The following PNPT1 variants were observed in gnomAD, a reference collection of about 807,000 sequenced individuals.
PNPT1 encodes the protein polyribonucleotide nucleotidyltransferase 1.
In PNPT1, 53 loss-of-function variants were observed where a neutral mutation model predicts 119.5. The ratio of observed to expected loss-of-function variants is 0.44; its 90% CI spans 0.36 to 0.56. The LOEUF (loss-of-function observed/expected upper bound fraction) is 0.56, where lower values mean the gene tolerates loss of function less well. Ranked by LOEUF, PNPT1 falls within the 20% of genes least tolerant of loss-of-function variation. The pLI is 0.00. For synonymous variants in PNPT1, 357 were observed against 322.1 expected, an observed-to-expected ratio of 1.11 and a Z score of -1.16; for missense variants, 948 against 938.5, an observed-to-expected ratio of 1.01 and a Z score of -0.13.
At chr2:55,651,369 G>A (rs1696193669) in intron 18 of PNPT1, among the ~76,000 whole-genome samples, 1 of 152,106 alleles carries the variant, frequency 6.6e-6, no homozygotes, top group Admixed American at 6.5e-5. Flanking sequence ...GAAATCGGAT[G>A]GTTGCCGTGT....
Position 55,693,685 on chromosome 2 carries a change from C to A in PNPT1, c.139G>T (p.Val47Leu), listed in dbSNP as rs1697694878. 3 of 1,614,146 alleles carry A rather than the reference C, an allele frequency of 1.9e-6. No individual in the cohort carries two copies. In the African/African-American group the frequency reaches 4.0e-5, roughly 22 times the overall value. Residue 47 changes from valine (V) to leucine (L), a missense_variant, in exon 1 of 28, where the codon GTG becomes TTG. Val to Leu is a conservative substitution (Grantham distance 32). Transcript: ENST00000447944. Reference protein sequence around the residue: ...ALWSSAGSRAVAVDLGNRKLE... With the variant: ...ALWSSAGSRALAVDLGNRKLE... ...TACCTGTTGCCTAAGTCCACGGCCA[C>A]AGCTCGAGACCCTGCGCTACTCCAT...
rs540689105 is a variant in PNPT1 at position 55,649,171 on chromosome 2, G to A, written c.1496-1718C>T. ...ATTCAAAATTGAGCCAGGCCCAGTG[G>A]CTCATGCTTGTAATCCCAACGCTTT... On this transcript the variant is annotated intron_variant, in intron 18 of 27. Coordinates refer to ENST00000447944, the MANE Select transcript of PNPT1 (RefSeq NM_033109.5). Among the ~76,000 whole-genome samples, 84 of 152,224 alleles carry A rather than the reference G, an allele frequency of 5.5e-4. No individual in the cohort carries two copies. The Middle Eastern group carries it at 0.01, about 18-fold the overall frequency.
chr2:55,679,956 A>G (rs149145023), intron 7 of PNPT1, among the ~76,000 whole-genome samples, 161 bp from the exon 8 acceptor site: 1 of 152,096 alleles, frequency 6.6e-6, no homozygotes, highest in African/African-American at 2.4e-5. Flanking sequence ...ACCCCACCCT[A>G]CCTTCTGTCC....
intron 2 of PNPT1, 77 bp from the exon 3 acceptor site, chr2:55,686,521 T>A: frequency 9.7e-7 from 1 of 1,031,830 alleles, no homozygotes; most frequent in Admixed American, 2.5e-5. Context: ...GAATAAATCC[T>A]TACTCCAATT....
chr2:55,637,062 AAAAAC>A (rs1695698197), intron 27 of PNPT1, among the ~76,000 whole-genome samples: 1 of 152,254 alleles, frequency 6.6e-6, no homozygotes, highest in African/African-American at 2.4e-5. Flanking sequence ...TGGAGCCCGA[AAAAAC>A]AGACTGGCAA....
chr2:55,665,508 G>C (rs571526256), intron 13 of PNPT1, among the ~76,000 whole-genome samples: 63 of 152,228 alleles, frequency 4.1e-4, no homozygotes, highest in Middle Eastern at 3.4e-3. Flanking sequence ...AAACACTTCA[G>C]AAATTACTAC....
chr2:55,677,208 T>G (rs1301605914), intron 8 of PNPT1, among the ~76,000 whole-genome samples: 1 of 152,064 alleles, frequency 6.6e-6, no homozygotes. Context: ...CGCTCTAGAG[T>G]CTCATTCTTC....
At chr2:55,684,030 C>T (rs1278015682) in intron 4 of PNPT1, among the ~76,000 whole-genome samples, 196 bp from the exon 5 acceptor site, 2 of 152,162 alleles carry the variant, frequency 1.3e-5, no homozygotes, top group East Asian at 1.9e-4. Flanking sequence ...AAAACAAACA[C>T]AGAAGAAGCA....
In PNPT1 at chr2:55,648,703, C is replaced by T. The variant is rs187032271; in HGVS notation, c.1496-1250G>A. Among the ~76,000 whole-genome samples the T allele has an allele frequency of 1.6e-3, 243 of 152,046 alleles. 2 individuals are homozygous for T. Among genetic ancestry groups the T allele is most frequent in the African/African-American group, 5.3e-3 (221 of 41,486 alleles). On this transcript the variant is annotated intron_variant, in intron 18 of 27. Transcript: ENST00000447944. ...ATTACTGATTTTCTTTCAATATGGACAGAGCTTTATTAAAATGTAAAGATA... is the reference window on the plus strand; with the variant it reads ...ATTACTGATTTTCTTTCAATATGGATAGAGCTTTATTAAAATGTAAAGATA...
chr2:55,666,163 T>C (rs963350309), intron 13 of PNPT1, among the ~76,000 whole-genome samples: 1 of 152,070 alleles, frequency 6.6e-6, no homozygotes, highest in African/African-American at 2.4e-5. Flanking sequence ...CAAAAGCAGA[T>C]CAGTAGTCTC....
At chr2:55,685,637 A>C (rs1044300536) in intron 3 of PNPT1, among the ~76,000 whole-genome samples, 3 of 152,122 alleles carry the variant, frequency 2.0e-5, no homozygotes, top group Non-Finnish European at 2.9e-5. Flanking sequence ...TTTTGGTATC[A>C]ACTCTGTTAA....
At chr2:55,685,095 C>A in intron 3 of PNPT1, 47 bp from the exon 4 acceptor site, 1 of 1,417,870 alleles carries the variant, frequency 7.1e-7, no homozygotes, top group Non-Finnish European at 9.6e-7. Context: ...TTTGCAGAAA[C>A]AAACTATACT....
Position 55,636,213 on chromosome 2 carries a change from T to C in PNPT1, c.*24A>G, listed in dbSNP as rs1344095625. On this transcript the variant is annotated 3_prime_UTR_variant, in exon 28 of 28. Coordinates refer to ENST00000447944, the MANE Select transcript of PNPT1 (RefSeq NM_033109.5). ...CATCACCCTAGACAAAATAGAATTCTAGAATTCTCTTTAAAAAAAAAAATC... is the reference window on the plus strand; with the variant it reads ...CATCACCCTAGACAAAATAGAATTCCAGAATTCTCTTTAAAAAAAAAAATC... 11 of 1,555,288 alleles carry C rather than the reference T, an allele frequency of 7.1e-6. No homozygotes were observed. Among genetic ancestry groups the C allele is most frequent in the Non-Finnish European group, 9.6e-6 (11 of 1,140,910 alleles).
intron 8 of PNPT1, among the ~76,000 whole-genome samples, chr2:55,677,674 CT>C (rs1697119697): frequency 1.4e-5 from 2 of 144,168 alleles, no homozygotes; most frequent in African/African-American, 5.1e-5. Context: ...AGGGTTCAAA[CT>C]CTAAGGTAGA....
rs1288632459 is a variant in PNPT1, at chr2:55,667,964, GAA to G, written c.977-8_977-7del. The G allele has an allele frequency of 6.4e-7, 1 of 1,573,802 alleles. No homozygotes were observed. Among genetic ancestry groups the G allele is most frequent in the Admixed American group, 2.2e-5 (1 of 46,206 alleles). On this transcript the variant is annotated splice_region_variant and splice_polypyrimidine_tract_variant and intron_variant, in intron 11 of 27. Coordinates refer to ENST00000447944, the MANE Select transcript of PNPT1 (RefSeq NM_033109.5). Reference sequence around the variant, plus strand: ...ATCGGCTTCTGGAAATTTTTCTATAGAAAAAAGACAAACCAAAACAAAGATTT... The same window carrying G: ...ATCGGCTTCTGGAAATTTTTCTATAGAAAAGACAAACCAAAACAAAGATTT...
intron 1 of PNPT1, among the ~76,000 whole-genome samples, chr2:55,691,878 ATTTTTTTTT>A (rs1227966046): frequency 9.1e-5 from 3 of 33,132 alleles, no homozygotes; most frequent in African/African-American, 1.9e-4. Flanking sequence ...ATATATATAT[ATTTTTTTTT>A]TTTTTTTTTT....
At chr2:55,664,765 G>T (rs1181584875) in intron 13 of PNPT1, among the ~76,000 whole-genome samples, 1 of 152,036 alleles carries the variant, frequency 6.6e-6, no homozygotes, top group African/African-American at 2.4e-5. Context: ...AAAGTATGCA[G>T]AACATCTTAA....
intron 26 of PNPT1, among the ~76,000 whole-genome samples, chr2:55,637,868 C>A (rs1380409295): frequency 6.6e-6 from 1 of 151,784 alleles, no homozygotes; most frequent in Non-Finnish European, 1.5e-5. Flanking sequence ...GGCATGGTGG[C>A]GGGCGCCTGT....
intron 8 of PNPT1, among the ~76,000 whole-genome samples, chr2:55,674,883 C>A (rs1697017671): frequency 6.6e-6 from 1 of 152,104 alleles, no homozygotes; most frequent in African/African-American, 2.4e-5. Context: ...CCAAGATATC[C>A]TCTCACTTTG....
Sources: gnomAD v4.1 joint callset for allele counts (sites outside exome capture counted in the v4.1 genomes callset) on GRCh38, gnomAD v4.1.1 for gene constraint, MANE v1.5 for transcripts, NCBI Gene and HGNC (gene_info 2026-07-23, HGNC 2026-07-21) for gene names.